CUX1: variants seen among roughly 807,000 people sequenced by gnomAD.
The protein encoded by CUX1 is protein CASP.
Under a neutral mutation model 158.8 loss-of-function variants are expected in CUX1, and 31 were observed. The ratio of observed to expected loss-of-function variants is 0.20; its 90% CI spans 0.15 to 0.26. The LOEUF is 0.26. Ranked by LOEUF, CUX1 falls within the 10% of genes least tolerant of loss-of-function variation. The probability of loss-of-function intolerance (pLI) is 1.00; values close to 1 mark genes in which losing one functional copy is unlikely to be tolerated. For synonymous variants in CUX1, 879 were observed against 862.1 expected, an observed-to-expected ratio of 1.02 and a Z score of -0.34; for missense variants, 1,589 against 2,014.6, an observed-to-expected ratio of 0.79 and a Z score of 4.04.
chr7:101,817,228 C>G, upstream of CUX1: 3 of 984,726 alleles, frequency 3.0e-6, no homozygotes, highest in African/African-American at 1.7e-5. This position sits in a 1 kb window ranked among gnomAD's most constrained non-coding sequence, Gnocchi z 4.1. Flanking sequence ...CGCCGCCGGT[C>G]CGAGCCGCGA....
intron 20 of CUX1, among the ~76,000 whole-genome samples, chr7:102,225,525 A>T (rs1798256679): frequency 6.6e-6 from 1 of 152,162 alleles, no homozygotes; most frequent in African/African-American, 2.4e-5. Flanking sequence ...TATGGTGCTG[A>T]TGTTGACTGA....
intron 1 of CUX1, among the ~76,000 whole-genome samples, chr7:101,841,687 A>G (rs1220220307): frequency 6.6e-6 from 1 of 151,958 alleles, no homozygotes; most frequent in Non-Finnish European, 1.5e-5. Context: ...TCTCCTGAGT[A>G]GCTGGGAGTA....
At chr7:102,073,361 C>T (rs376183) in intron 4 of CUX1, among the ~76,000 whole-genome samples, 126,909 of 151,448 alleles carry the variant, frequency 0.84, 53,311 homozygotes, top group East Asian at 0.99. Context: ...TTAGTAGAGA[C>T]GGGGTTTCGC....
intron 2 of CUX1, among the ~76,000 whole-genome samples, chr7:102,009,499 C>T (rs1386429070): frequency 6.6e-6 from 1 of 152,242 alleles, no homozygotes; most frequent in Non-Finnish European, 1.5e-5. Context: ...TGCTATGTTG[C>T]TCAGGCTGGT....
chr7:102,003,148 C>T (rs1816896939), intron 2 of CUX1, among the ~76,000 whole-genome samples: 1 of 152,150 alleles, frequency 6.6e-6, no homozygotes, highest in African/African-American at 2.4e-5. Context: ...ATCTGCCCGC[C>T]TCGGCCTCCC....
At chr7:102,229,611 C>CTTTT (rs781991747) in intron 21 of CUX1, among the ~76,000 whole-genome samples, 26 of 70,006 alleles carry the variant, frequency 3.7e-4, no homozygotes, top group African/African-American at 8.3e-4. Context: ...CGTGTCTGGC[C>CTTTT]TTTTTTTTTT....
At chr7:102,216,630 C>CT (rs57839985) in intron 20 of CUX1, among the ~76,000 whole-genome samples, 7 of 103,374 alleles carry the variant, frequency 6.8e-5, no homozygotes, top group African/African-American at 1.4e-4. Context: ...CACACACACA[C>CT]CCCCACACAC....
At chr7:101,829,135 G>A (rs1793709600) in intron 1 of CUX1, among the ~76,000 whole-genome samples, 1 of 152,104 alleles carries the variant, frequency 6.6e-6, no homozygotes, top group South Asian at 2.1e-4. Flanking sequence ...CATCACTTGG[G>A]GTGGGGTGGG....
In CUX1 at chr7:102,000,197, CAA is replaced by C. The variant is rs1486409894; in HGVS notation, c.142-27900_142-27899del. The stretch of plus-strand genomic sequence containing the variant: ...CACCATTGCACTCCAGCCTGGGTGA[CAA>C]GAGCAAAACTCTATCTCAAAAAAAA... On this transcript the variant is annotated intron_variant, in intron 2 of 23. Transcript: ENST00000292535. Among the ~76,000 whole-genome samples the C allele has an allele frequency of 4.2e-5, 6 of 141,618 alleles. No homozygotes were observed. In the Middle Eastern group the frequency reaches 0.011, roughly 253 times the overall value. 92.9% of individuals were successfully genotyped at this position (141,618 alleles called of 152,430 possible).
At chr7:102,014,602 G>A (rs961026447) in intron 2 of CUX1, among the ~76,000 whole-genome samples, 18 of 152,216 alleles carry the variant, frequency 1.2e-4, no homozygotes, top group Admixed American at 1.0e-3. Flanking sequence ...AGTCGGGGAG[G>A]GCCAGGAAGC....
chr7:102,000,216 C>CAAA (rs113719298), intron 2 of CUX1, among the ~76,000 whole-genome samples: 1 of 146,414 alleles, frequency 6.8e-6, no homozygotes, highest in African/African-American at 2.5e-5. Flanking sequence ...AACTCTATCT[C>CAAA]AAAAAAAAAA....
In CUX1 at chr7:102,196,989, C is replaced by T; in HGVS notation, c.1578C>T (p.Ser526=). Residue 526 remains serine, a synonymous_variant, in exon 15 of 24, where the codon AGC becomes AGT. Coordinates refer to ENST00000292535, the MANE Select transcript of CUX1 (RefSeq NM_181552.4). The part of the protein sequence containing the change: ...SISSQSPLQQ[S]PDVNGMAPSP... The stretch of plus-strand genomic sequence containing the variant: ...CTTCCCAAAGTCCATTACAACAAAG[C>T]CCAGATGTCAATGGCATGGCCCCAT... 6.2e-7 allele frequency: 1 copy of T among 1,614,214 alleles called. No homozygotes were observed. Among genetic ancestry groups the T allele is most frequent in the Middle Eastern group, 1.6e-4 (1 of 6,062 alleles).
intron 2 of CUX1, among the ~76,000 whole-genome samples, chr7:101,977,587 T>C (rs779419874): frequency 2.0e-5 from 3 of 151,962 alleles, no homozygotes; most frequent in Non-Finnish European, 4.4e-5. Context: ...GGCTGCAGGT[T>C]AGCTATGATC....
chr7:102,094,908 T>G (rs1198911759), intron 4 of CUX1, among the ~76,000 whole-genome samples: 1 of 152,186 alleles, frequency 6.6e-6, no homozygotes, highest in Non-Finnish European at 1.5e-5. Flanking sequence ...TATGGAAATT[T>G]TTTTTACAAA....
chr7:102,271,734 G>A (rs1230969280), intron 14 of CUX1, among the ~76,000 whole-genome samples: 1 of 152,202 alleles, frequency 6.6e-6, no homozygotes, highest in Non-Finnish European at 1.5e-5. Context: ...TCTGAAGGAA[G>A]AAATCCATTT....
intron 4 of CUX1, among the ~76,000 whole-genome samples, chr7:102,092,372 G>A (rs561354032): frequency 6.6e-6 from 1 of 152,154 alleles, no homozygotes; most frequent in East Asian, 1.9e-4. Flanking sequence ...TGCGCTGCCT[G>A]GCATTACCAT....
chr7:102,031,807 T>C (rs2129341298), intron 3 of CUX1, among the ~76,000 whole-genome samples: 1 of 152,272 alleles, frequency 6.6e-6, no homozygotes, highest in Non-Finnish European at 1.5e-5. Flanking sequence ...AAGATCTCAT[T>C]TAGCAGAAAT....
chr7:102,145,790 T>TACAAAAATTAGCTG (rs1349149233), intron 8 of CUX1, among the ~76,000 whole-genome samples: 2 of 151,848 alleles, frequency 1.3e-5, no homozygotes, highest in Non-Finnish European at 2.9e-5. Flanking sequence ...CTACTAAAAA[T>TACAAAAATTAGCTG]ACAAAAATTA....
chr7:102,129,503 G>GTAAA (rs1432583563), intron 8 of CUX1, among the ~76,000 whole-genome samples: 1 of 152,034 alleles, frequency 6.6e-6, no homozygotes, highest in Non-Finnish European at 1.5e-5. Context: ...GGCCAACATG[G>GTAAA]TAAAACCCTG....
Sources: gnomAD v4.1 joint callset for allele counts (sites outside exome capture counted in the v4.1 genomes callset) on GRCh38, gnomAD v4.1.1 for gene constraint, Gnocchi (gnomAD v3.1) non-coding constraint, MANE v1.5 for transcripts, NCBI Gene and HGNC (gene_info 2026-07-23, HGNC 2026-07-21) for gene names.